The following RBFOX2 variants were observed in gnomAD, a reference collection of about 807,000 sequenced individuals.
The protein encoded by RBFOX2 is RNA binding protein fox-1 homolog 2.
Under a neutral mutation model 49.1 loss-of-function variants are expected in RBFOX2, and 10 were observed. The observed-to-expected ratio is 0.20, with a 90% confidence interval of 0.13 to 0.35. The LOEUF is 0.35. Among genes scored for constraint, RBFOX2 ranks in the 10% least tolerant of loss-of-function variants. RBFOX2 has a pLI of 1.00. For missense variants in RBFOX2, 323 were observed against 486.9 expected, an observed-to-expected ratio of 0.66 and a Z score of 3.17; for synonymous variants, 183 against 187.4, an observed-to-expected ratio of 0.98 and a Z score of 0.19.
At chr22:35,891,662 T>C (rs1355120437) in intron 1 of RBFOX2, among the ~76,000 whole-genome samples, 1 of 152,186 alleles carries the variant, frequency 6.6e-6, no homozygotes, top group Non-Finnish European at 1.5e-5. Context: ...GGAGAACATA[T>C]CCTGTTTTCT....
chr22:35,842,773 G>C (rs1229540162), upstream of RBFOX2, among the ~76,000 whole-genome samples: 1 of 151,960 alleles, frequency 6.6e-6, no homozygotes, highest in Non-Finnish European at 1.5e-5. Flanking sequence ...ATACATCATG[G>C]AAAGAGACAA....
chr22:35,891,825 A>T (rs1004250861), intron 1 of RBFOX2, among the ~76,000 whole-genome samples: 25 of 152,082 alleles, frequency 1.6e-4, no homozygotes, highest in Non-Finnish European at 2.5e-4. Flanking sequence ...TGACATAATG[A>T]ATGCTTAATA....
chr22:35,831,812 T>C (rs1956855788), intron 1 of RBFOX2, among the ~76,000 whole-genome samples: 1 of 152,206 alleles, frequency 6.6e-6, no homozygotes, highest in Non-Finnish European at 1.5e-5. Context: ...TACAGTTGTA[T>C]CATTTGTGGA....
At chr22:35,867,178 G>A (rs2043792050) in intron 1 of RBFOX2, among the ~76,000 whole-genome samples, 1 of 152,102 alleles carries the variant, frequency 6.6e-6, no homozygotes, top group Admixed American at 6.6e-5. Flanking sequence ...ACCTTTTAAG[G>A]TTAACAGATA....
upstream of RBFOX2, among the ~76,000 whole-genome samples, chr22:35,941,067 G>A (rs993095876): frequency 3.3e-5 from 5 of 152,098 alleles, no homozygotes; most frequent in African/African-American, 9.7e-5. Flanking sequence ...TCATAAATGC[G>A]AGATTTATGG....
chr22:35,881,137 C>A (rs1392475039), intron 1 of RBFOX2, among the ~76,000 whole-genome samples: 1 of 152,056 alleles, frequency 6.6e-6, no homozygotes, highest in East Asian at 1.9e-4. Context: ...TGGTGGCGGG[C>A]GCCTGTAGTC....
At chr22:35,766,764 G>T (rs1343927061) in intron 5 of RBFOX2, among the ~76,000 whole-genome samples, 2 of 152,194 alleles carry the variant, frequency 1.3e-5, no homozygotes, top group Non-Finnish European at 2.9e-5. Flanking sequence ...AATGGAGCAA[G>T]AGCTGAAACC....
intron 1 of RBFOX2, among the ~76,000 whole-genome samples, chr22:35,976,634 A>C (rs1003752909): frequency 6.6e-6 from 1 of 152,258 alleles, no homozygotes; most frequent in Non-Finnish European, 1.5e-5. Flanking sequence ...GATTTGCTAC[A>C]TATATAAAGA....
intron 1 of RBFOX2, among the ~76,000 whole-genome samples, chr22:36,005,409 T>C (rs1456436147): frequency 1.3e-5 from 2 of 152,174 alleles, no homozygotes; most frequent in South Asian, 2.1e-4. Flanking sequence ...TGCAATTCAG[T>C]GAGATGCAAA....
intron 1 of RBFOX2, among the ~76,000 whole-genome samples, chr22:35,987,785 A>G (rs192364018): frequency 6.6e-6 from 1 of 152,296 alleles, no homozygotes; most frequent in Admixed American, 6.5e-5. Context: ...CAAGCTCCCA[A>G]TGGTCACAGA....
exon 3 of RBFOX2, chr22:35,781,667 G>C: frequency 1.2e-6 from 2 of 1,614,182 alleles, no homozygotes; most frequent in Non-Finnish European, 1.7e-6. Flanking sequence ...CAGCCGTTTC[G>C]GGGTAGATTT....
intron 1 of RBFOX2, 33 bp from the exon 3 acceptor site, chr22:35,810,037 C>T (rs886942691): frequency 1.9e-6 from 3 of 1,598,792 alleles, no homozygotes; most frequent in African/African-American, 1.3e-5. Flanking sequence ...GAAAAAGTGA[C>T]TTTGAATCCT....
chr22:35,963,519 C>T (rs183892406), upstream of RBFOX2, among the ~76,000 whole-genome samples: 1 of 152,204 alleles, frequency 6.6e-6, no homozygotes, highest in African/African-American at 2.4e-5. Context: ...GAGACTAAAG[C>T]AGTTTCTGAG....
At chr22:35,951,241 CTTTTT>C (rs1208551684) in intron 1 of RBFOX2, among the ~76,000 whole-genome samples, 1 of 78,332 alleles carries the variant, frequency 1.3e-5, no homozygotes, top group African/African-American at 6.5e-5. Flanking sequence ...GCACCCGGCC[CTTTTT>C]TTTTTTTTTT....
rs117483284 is a variant in RBFOX2, at chr22:35,758,301, T to C, written c.887+1587A>G. Among the ~76,000 whole-genome samples the C allele has an allele frequency of 8.9e-4, 136 of 152,326 alleles. 1 individual carries two copies. In the Middle Eastern group the frequency reaches 0.02, roughly 23 times the overall value. ...CTTGGTAGAGAATGGGTTCTCAAGT[T>C]TGGTCAATATACTGAAACGACTACA... On this transcript the variant is annotated intron_variant, in intron 9 of 11. Transcript: ENST00000405409.
chr22:35,828,639 G>A (rs558690780), intron 1 of RBFOX2, among the ~76,000 whole-genome samples: 2 of 152,300 alleles, frequency 1.3e-5, no homozygotes, highest in East Asian at 3.9e-4. Context: ...AGCCAGAGTG[G>A]AAAACCTAAT....
exon 4 of RBFOX2, chr22:35,778,046 G>A (rs186235997): frequency 2.5e-6 from 4 of 1,613,212 alleles, no homozygotes; most frequent in Middle Eastern, 1.6e-4. Flanking sequence ...GTTCATTAAA[G>A]ATTATTTCTA....
intron 1 of RBFOX2, among the ~76,000 whole-genome samples, chr22:36,026,608 T>G (rs755968106): frequency 6.6e-6 from 1 of 151,612 alleles, no homozygotes; most frequent in African/African-American, 2.4e-5. Flanking sequence ...CTACATCCAG[T>G]CTTCCCTCCT....
At chr22:36,016,464 A>C (rs183676711) in intron 1 of RBFOX2, among the ~76,000 whole-genome samples, 8 of 152,234 alleles carry the variant, frequency 5.3e-5, no homozygotes, top group South Asian at 2.1e-4. Context: ...GACAAAAATC[A>C]ATGCAGCCAG....
Sources: gnomAD v4.1 joint callset for allele counts (sites outside exome capture counted in the v4.1 genomes callset) on GRCh38, gnomAD v4.1.1 for gene constraint, MANE v1.5 for transcripts, NCBI Gene and HGNC (gene_info 2026-07-23, HGNC 2026-07-21) for gene names.